Variants in CACNA1G observed in about 807,000 individuals in gnomAD.
The protein encoded by CACNA1G is calcium voltage-gated channel subunit alpha1 G.
In CACNA1G, 67 loss-of-function variants were observed where a neutral mutation model predicts 219.4. The ratio of observed to expected loss-of-function variants is 0.31; its 90% CI spans 0.25 to 0.37. CACNA1G has a LOEUF of 0.37. CACNA1G is among the 10% of genes least tolerant of loss of function. The pLI is 1.00. For synonymous variants in CACNA1G, 1,296 were observed against 1,345.3 expected, an observed-to-expected ratio of 0.96 and a Z score of 0.80; for missense variants, 2,380 against 3,231.4, an observed-to-expected ratio of 0.74 and a Z score of 6.39.
intron 14 of CACNA1G, among the ~76,000 whole-genome samples, chr17:50,595,927 G>A (rs2045448156): frequency 6.6e-6 from 1 of 152,222 alleles, no homozygotes; most frequent in South Asian, 2.1e-4. Context: ...GGAGAAGTAT[G>A]TAATTACTGG....
chr17:50,623,785 G>A (rs565595503), intron 35 of CACNA1G, 122 bp from the exon 36 acceptor site: 1 of 1,005,890 alleles, frequency 9.9e-7, no homozygotes, highest in Non-Finnish European at 1.5e-6. Context: ...ACCTTGTCCT[G>A]GGAGGGCACG....
intron 9 of CACNA1G, among the ~76,000 whole-genome samples, chr17:50,580,815 C>T (rs745763995): frequency 6.6e-6 from 1 of 152,156 alleles, no homozygotes; most frequent in Non-Finnish European, 1.5e-5. Context: ...GACAGCTGTC[C>T]AGCGGGCTCA....
chr17:50,603,451 A>G lies in CACNA1G; in HGVS notation c.4169+252A>G, dbSNP rs1598516713. On this transcript the variant is annotated intron_variant, in intron 21 of 37. Transcript: ENST00000359106. This position sits in a 1 kb window ranked among gnomAD's most constrained non-coding sequence, Gnocchi z 6.4. ...TTCCTCAGGGCCGCTGCACCATGTG[A>G]TGTAAGGTGACTGCAGCCCTGTGCA... Among the ~76,000 whole-genome samples, 3 of 152,084 alleles carry G rather than the reference A, an allele frequency of 2.0e-5. No individual in the cohort carries two copies. The highest frequency in any genetic ancestry group is 2.0e-4 in the Admixed American group (3 of 15,274).
Position 50,626,428 on chromosome 17 carries a change from G to A in CACNA1G, c.6811G>A (p.Ala2271Thr), listed in dbSNP as rs777619724. The A allele has an allele frequency of 2.5e-6, 4 of 1,607,804 alleles. No individual in the cohort carries two copies. The highest frequency in any genetic ancestry group is 1.1e-5 in the South Asian group (1 of 90,274). ...WLDEQRRHSI[A>T]VSCLDSGSQP... ...GGATGAGCAGAGGAGACACTCTATC[G>A]CCGTCAGCTGCCTGGACAGCGGCTC... The change falls in exon 38 of 38, where the codon GCC becomes ACC. Residue 2271 changes from alanine to threonine, a missense_variant. Physicochemically the swap from Ala to Thr is moderately conservative, Grantham distance 58 (BLOSUM62 0). Around this residue, in one of 17 missense-constraint regions of CACNA1G, gnomAD observed 672 missense variants for 670.5 expected, o/e 1.00. Coordinates refer to ENST00000359106, the MANE Select transcript of CACNA1G (RefSeq NM_018896.5). The surrounding 1 kb of genome is among the most constrained non-coding windows in gnomAD (Gnocchi z 4.3).
chr17:50,596,470 TG>T lies in CACNA1G; in HGVS notation c.2980-90del. On this transcript the variant is annotated intron_variant, in intron 14 of 37. Coordinates refer to ENST00000359106, the MANE Select transcript of CACNA1G (RefSeq NM_018896.5). This position sits in a 1 kb window ranked among gnomAD's most constrained non-coding sequence, Gnocchi z 4.8. ...GTTGCTGGTTCCTGTGGCCTATATGTGGTGTGCGTGTGTGAAGAGAGGGAGG... is the reference window on the plus strand; with the variant it reads ...GTTGCTGGTTCCTGTGGCCTATATGTGTGTGCGTGTGTGAAGAGAGGGAGG... 2 of 957,390 alleles carry T rather than the reference TG, an allele frequency of 2.1e-6. No homozygotes were observed. Among genetic ancestry groups the T allele is most frequent in the Non-Finnish European group, 3.4e-6 (2 of 595,490 alleles). The allele number at this position is 957,390 out of a possible 1,614,324, so 59.3% of individuals were successfully genotyped here.
Position 50,602,799 on chromosome 17 carries a change from CCT to C in CACNA1G, c.3916-20_3916-19del. The C allele has an allele frequency of 6.2e-7, 1 of 1,612,548 alleles. No individual in the cohort carries two copies. Among genetic ancestry groups the C allele is most frequent in the Non-Finnish European group, 8.5e-7 (1 of 1,179,142 alleles). ...GGTGGGGGCTTCCTGGCGGGCAACCCCTGCCTCCCCTCTCTTGCAGGAACGCA... is the reference window on the plus strand; with the variant it reads ...GGTGGGGGCTTCCTGGCGGGCAACCCGCCTCCCCTCTCTTGCAGGAACGCA... On this transcript the variant is annotated intron_variant, in intron 19 of 37. Transcript: ENST00000359106.
chr17:50,573,101 C>T lies in CACNA1G; in HGVS notation c.1128C>T (p.Ile376=), dbSNP rs540986524. The T allele has an allele frequency of 8.3e-6, 13 of 1,569,102 alleles. No individual in the cohort carries two copies. Among genetic ancestry groups the T allele is most frequent in the African/African-American group, 6.7e-5 (5 of 74,122 alleles). Residue 376 remains isoleucine, a synonymous_variant, in exon 7 of 38, where the codon ATC becomes ATT. Coordinates refer to ENST00000359106, the MANE Select transcript of CACNA1G (RefSeq NM_018896.5). ...AHSFYNFIYF[I]LLIIVGSFFM... ...CCTTCTACAATTTCATCTACTTCAT[C>T]CTCCTCATCATCGTGAGTGACTCCT...
At position 50,626,663 on chromosome 17, in the gene CACNA1G, C is replaced by G. The variant is rs2053874903; in HGVS notation, c.7046C>G (p.Pro2349Arg). The G allele has an allele frequency of 6.2e-7, 1 of 1,613,388 alleles. No homozygotes were observed. Among genetic ancestry groups the G allele is most frequent in the Non-Finnish European group, 8.5e-7 (1 of 1,179,850 alleles). ...AAGGATCCCTTGGCCTCTGGCCCCC[C>G]TGACAGCATGGCTGCCTCGCCCTCC... is the stretch of plus-strand genomic sequence containing the variant. ...DSKDPLASGP[P>R]DSMAASPSPK... is the part of the protein sequence containing the mutation. The change falls in exon 38 of 38, where the codon CCT (proline) becomes CGT (arginine). Residue 2349 changes from proline (P) to arginine (R), a missense_variant. Coordinates refer to ENST00000359106, the MANE Select transcript of CACNA1G (RefSeq NM_018896.5). The surrounding 1 kb of genome is among the most constrained non-coding windows in gnomAD (Gnocchi z 4.3).
chr17:50,561,453 C>T lies in CACNA1G; in HGVS notation c.-7C>T. ...CCGGATCGCCCGGGGCCCCGGCTGG[C>T]CAGAGGATGGACGAGGAGGAGGATG... On this transcript the variant is annotated 5_prime_UTR_variant, in exon 1 of 38. Transcript: ENST00000359106. 1 of 1,533,974 alleles carries T rather than the reference C, an allele frequency of 6.5e-7. No individual in the cohort carries two copies. The highest frequency in any genetic ancestry group is 8.7e-7 in the Non-Finnish European group (1 of 1,146,518).
chr17:50,576,456 C>CTTCA (rs2040681286), intron 8 of CACNA1G, 130 bp downstream of exon 8: 1 of 860,996 alleles, frequency 1.2e-6, no homozygotes, highest in Admixed American at 2.2e-5. Context: ...ATGGCTTAGG[C>CTTCA]ACCTTCAACC....
intron 36 of CACNA1G, 34 bp downstream of exon 36, chr17:50,624,109 A>G: frequency 6.3e-7 from 1 of 1,597,910 alleles, no homozygotes; most frequent in Non-Finnish European, 8.6e-7. Flanking sequence ...TTTGGCTCAC[A>G]CAGGGAGATT....
Position 50,627,415 on chromosome 17 carries a change from A to T in CACNA1G, c.*664A>T. On this transcript the variant is annotated 3_prime_UTR_variant, in exon 38 of 38. Coordinates refer to ENST00000359106, the MANE Select transcript of CACNA1G (RefSeq NM_018896.5). ...ATGGAACCTTTTTATATATACATAC[A>T]TACATATCTATCTATCTATCTATAT... is the stretch of plus-strand genomic sequence containing the variant. 1 of 359,208 alleles carries T rather than the reference A, an allele frequency of 2.8e-6. No individual in the cohort carries two copies. The highest frequency in any genetic ancestry group is 2.2e-5 in the South Asian group (1 of 44,530). 22.3% of individuals were successfully genotyped at this position (359,208 alleles called of 1,614,324 possible).
chr17:50,591,609 C>T lies in CACNA1G; in HGVS notation c.2628C>T (p.Ile876=). Residue 876 remains isoleucine, a synonymous_variant, in exon 11 of 38, where the codon ATC becomes ATT. Transcript: ENST00000359106. ...ATFCMLLMLF[I]FIFSILGMHL... Reference sequence around the variant, plus strand: ...TCTGCATGCTGCTTATGCTCTTCATCTTCATCTTCAGGTGAGGGCGGCATG... The same window carrying T: ...TCTGCATGCTGCTTATGCTCTTCATTTTCATCTTCAGGTGAGGGCGGCATG... The T allele has an allele frequency of 1.2e-6, 2 of 1,613,214 alleles. No individual in the cohort carries two copies. The highest frequency in any genetic ancestry group is 1.7e-6 in the Non-Finnish European group (2 of 1,179,596).
chr17:50,570,221 C>T (rs558679129), intron 4 of CACNA1G, among the ~76,000 whole-genome samples: 8 of 152,300 alleles, frequency 5.3e-5, no homozygotes, highest in African/African-American at 1.7e-4. Flanking sequence ...CCACGCTGAA[C>T]GTGACTTCTC....
In CACNA1G at chr17:50,616,282, A is replaced by T; in HGVS notation, c.4919A>T (p.Asp1640Val). 6.2e-7 allele frequency: 1 copy of T among 1,610,196 alleles called. No individual in the cohort carries two copies. Among genetic ancestry groups the T allele is most frequent in the Non-Finnish European group, 8.5e-7 (1 of 1,176,496 alleles). ...MEHYQQPQIL[D>V]EALKICNYIF... ...TGCCCCCATCCCTGCCAGATTCTGGATGAGGCTCTGAAGATCTGCAACTAC... is the reference window on the plus strand; with the variant it reads ...TGCCCCCATCCCTGCCAGATTCTGGTTGAGGCTCTGAAGATCTGCAACTAC... The change falls in exon 28 of 38, where the codon GAT becomes GTT. Residue 1640 changes from aspartate to valine, a missense_variant. Physicochemically the swap from Asp to Val is radical, Grantham distance 152. This residue lies in a region of CACNA1G where 123 missense variants were observed against 258.4 expected (regional missense o/e 0.48). Coordinates refer to ENST00000359106, the MANE Select transcript of CACNA1G (RefSeq NM_018896.5).
chr17:50,621,569 G>A lies in CACNA1G; in HGVS notation c.5926-91G>A. ...CCCTGTGCTTCGTGAAAAGGGGGAA[G>A]TGGGGACTGAGAGAGAGCGCGTGTG... On this transcript the variant is annotated intron_variant, in intron 34 of 37. Coordinates refer to ENST00000359106, the MANE Select transcript of CACNA1G (RefSeq NM_018896.5). The surrounding 1 kb of genome is among the most constrained non-coding windows in gnomAD (Gnocchi z 4.6). 1 of 1,408,820 alleles carries A rather than the reference G, an allele frequency of 7.1e-7. No homozygotes were observed. Among genetic ancestry groups the A allele is most frequent in the Non-Finnish European group, 9.8e-7 (1 of 1,020,040 alleles). 87.3% of individuals were successfully genotyped at this position (1,408,820 alleles called of 1,614,324 possible).
intron 26 of CACNA1G, among the ~76,000 whole-genome samples, chr17:50,611,453 C>T (rs572556341): frequency 6.6e-6 from 1 of 152,208 alleles, no homozygotes; most frequent in African/African-American, 2.4e-5. Flanking sequence ...GAGAGAACCC[C>T]TGAGCCCCCA....
rs563424896 is a variant in CACNA1G at position 50,593,733 on chromosome 17, T to G, written c.2911-1260T>G. On this transcript the variant is annotated intron_variant, in intron 13 of 37. Coordinates refer to ENST00000359106, the MANE Select transcript of CACNA1G (RefSeq NM_018896.5). ...AGGGAGGGTCTCACTCAGGATGCGG[T>G]GTCTTGGGCTGGGATGCTTCAGGCC... Among the ~76,000 whole-genome samples, 90 of 152,258 alleles carry G rather than the reference T, an allele frequency of 5.9e-4. 2 individuals carry two copies. The South Asian group carries it at 0.012, about 20-fold the overall frequency.
At position 50,613,355 on chromosome 17, in the gene CACNA1G, G is replaced by A. The variant is rs200232788; in HGVS notation, c.4760-2006G>A. On this transcript the variant is annotated intron_variant, in intron 26 of 37. Transcript: ENST00000359106. ...TAGGGGCCAGGGTGGAGGGGTGTTTGTACAGACCTCAGGGGCCGGGACCTG... is the reference window on the plus strand; with the variant it reads ...TAGGGGCCAGGGTGGAGGGGTGTTTATACAGACCTCAGGGGCCGGGACCTG... Among the ~76,000 whole-genome samples, 4 of 152,290 alleles carry A rather than the reference G, an allele frequency of 2.6e-5. No individual in the cohort carries two copies. The East Asian group carries it at 7.7e-4, about 29-fold the overall frequency.
Sources: allele counts gnomAD v4.1 joint callset (sites outside exome capture counted in the v4.1 genomes callset), GRCh38; gene constraint gnomAD v4.1.1; regional missense constraint gnomAD v4.1.1; non-coding constraint Gnocchi (gnomAD v3.1); transcripts MANE v1.5; gene names NCBI Gene and HGNC (gene_info 2026-07-23, HGNC 2026-07-21).